The following REDIC1 variants were observed in gnomAD, a reference collection of about 807,000 sequenced individuals.
REDIC1 encodes the protein HEI10 Interacting Protein 1.
At chr12:39,713,025 GTGTATATGTATATATACATGTGTA>G in the REDIC1 span, among the ~76,000 whole-genome samples, 1 of 134,864 alleles carries the variant, frequency 7.4e-6, no homozygotes, top group African/African-American at 3.0e-5. Flanking sequence ...GTGTATATAC[GTGTATATGTATATATACATGTGTA>G]TATACGTGTA....
the REDIC1 span, among the ~76,000 whole-genome samples, chr12:39,834,875 A>C: frequency 6.6e-6 from 1 of 152,104 alleles, no homozygotes; most frequent in Non-Finnish European, 1.5e-5. Flanking sequence ...AACTTTAAAT[A>C]TCCTGGGGAA....
At chr12:39,742,547 G>A in the REDIC1 span, among the ~76,000 whole-genome samples, 1 of 152,106 alleles carries the variant, frequency 6.6e-6, no homozygotes, top group African/African-American at 2.4e-5. Context: ...GAGCTCTCGG[G>A]TAGAGGGCTT....
the REDIC1 span, among the ~76,000 whole-genome samples, chr12:39,726,945 G>T: frequency 6.6e-6 from 1 of 152,212 alleles, no homozygotes; most frequent in Non-Finnish European, 1.5e-5. Context: ...TGTGTTTGTT[G>T]GCTGCATAAA....
chr12:39,840,319 G>T, the REDIC1 span, among the ~76,000 whole-genome samples: 1 of 151,970 alleles, frequency 6.6e-6, no homozygotes, highest in African/African-American at 2.4e-5. Context: ...GTCTTCTAAA[G>T]GGGCCTGCTT....
the REDIC1 span, among the ~76,000 whole-genome samples, chr12:39,775,239 T>TTAAAG: frequency 3.2e-4 from 48 of 152,340 alleles, no homozygotes; most frequent in African/African-American, 1.0e-3. Context: ...AATAATCATT[T>TTAAAG]TAAAGTAAAT....
chr12:39,727,660 T>A, the REDIC1 span, among the ~76,000 whole-genome samples: 1 of 151,570 alleles, frequency 6.6e-6, no homozygotes, highest in South Asian at 2.1e-4. Context: ...GAAGAAAGTC[T>A]AATTCTGTGA....
At chr12:39,796,528 T>C in the REDIC1 span, among the ~76,000 whole-genome samples, 1 of 152,170 alleles carries the variant, frequency 6.6e-6, no homozygotes, top group Admixed American at 6.5e-5. Context: ...TTTTCCTTTT[T>C]TTCCATTTTT....
chr12:39,646,976 T>A, the REDIC1 span: 5 of 892,294 alleles, frequency 5.6e-6, no homozygotes, highest in Non-Finnish European at 8.5e-6. Flanking sequence ...TGGAGAAAAT[T>A]ATTTTAAAGA....
chr12:39,798,678 G>C, the REDIC1 span, among the ~76,000 whole-genome samples: 1 of 152,196 alleles, frequency 6.6e-6, no homozygotes, highest in Non-Finnish European at 1.5e-5. Flanking sequence ...AGTGCTGAAA[G>C]ACTCGTGAGA....
the REDIC1 span, among the ~76,000 whole-genome samples, chr12:39,725,221 T>C: frequency 6.6e-6 from 1 of 152,144 alleles, no homozygotes; most frequent in African/African-American, 2.4e-5. Context: ...ACCTTCCAAA[T>C]GCTGACAAAA....
the REDIC1 span, among the ~76,000 whole-genome samples, chr12:39,686,003 A>G: frequency 1.3e-5 from 2 of 152,244 alleles, no homozygotes; most frequent in Non-Finnish European, 2.9e-5. Context: ...TAAGAGGTGG[A>G]TTCCAAAAGC....
chr12:39,887,989 C>G, the REDIC1 span, among the ~76,000 whole-genome samples: 1 of 152,144 alleles, frequency 6.6e-6, no homozygotes, highest in Admixed American at 6.5e-5. Flanking sequence ...ATCACCACCC[C>G]ACTCTCAGCC....
the REDIC1 span, among the ~76,000 whole-genome samples, chr12:39,780,842 AT>A: frequency 2.6e-5 from 4 of 152,248 alleles, no homozygotes; most frequent in Admixed American, 6.5e-5. Flanking sequence ...ACTAAAAGAA[AT>A]TTTTTAAAAA....
chr12:39,850,881 T>A, the REDIC1 span, among the ~76,000 whole-genome samples: 2 of 152,094 alleles, frequency 1.3e-5, no homozygotes, highest in Non-Finnish European at 2.9e-5. Flanking sequence ...AAGAGCTGAA[T>A]ATTTAGGCCC....
chr12:39,798,604 C>A, the REDIC1 span, among the ~76,000 whole-genome samples: 3 of 152,202 alleles, frequency 2.0e-5, no homozygotes, highest in Admixed American at 2.0e-4. Flanking sequence ...CTGAGCAGGC[C>A]CTCCAGCTCC....
chr12:39,858,207 G>T, the REDIC1 span, among the ~76,000 whole-genome samples: 1 of 152,284 alleles, frequency 6.6e-6, no homozygotes, highest in South Asian at 2.1e-4. Context: ...AAAGATATGT[G>T]CAGTTATTTG....
the REDIC1 span, among the ~76,000 whole-genome samples, chr12:39,741,981 A>G: frequency 3.2e-4 from 48 of 152,158 alleles, no homozygotes; most frequent in Admixed American, 2.1e-3. Flanking sequence ...TCTTATTGCC[A>G]CAAACAGTCT....
chr12:39,697,349 C>G, the REDIC1 span, among the ~76,000 whole-genome samples: 1 of 152,090 alleles, frequency 6.6e-6, no homozygotes, highest in Admixed American at 6.5e-5. Flanking sequence ...ACCTGTTCTG[C>G]AAGAAAATAC....
the REDIC1 span, among the ~76,000 whole-genome samples, chr12:39,810,980 G>T: frequency 6.6e-6 from 1 of 152,048 alleles, no homozygotes. Context: ...GCCCTTTTCT[G>T]AAAGAGTTTA....
Sources: allele counts gnomAD v4.1 joint callset (sites outside exome capture counted in the v4.1 genomes callset), GRCh38; gene constraint gnomAD v4.1.1; transcripts MANE v1.5; gene names NCBI Gene and HGNC (gene_info 2026-07-23, HGNC 2026-07-21).